NFIB: variants seen among roughly 807,000 people sequenced by gnomAD.
The protein encoded by NFIB is nuclear factor I B, also known as nuclear factor 1 B-type.
Under a neutral mutation model 61.5 loss-of-function variants are expected in NFIB, and 11 were observed. The observed-to-expected ratio is 0.18, with a 90% CI of 0.11 to 0.30. The LOEUF (loss-of-function observed/expected upper bound fraction) is 0.30. Ranked by LOEUF, NFIB falls within the 10% of genes least tolerant of loss-of-function variation. NFIB has a pLI of 1.00. For missense variants in NFIB, 471 were observed against 608.9 expected, an observed-to-expected ratio of 0.77 and a Z score of 2.38; for synonymous variants, 260 against 216.5, an observed-to-expected ratio of 1.20 and a Z score of -1.76.
At chr9:14,282,332 A>G (rs1039568315) in intron 2 of NFIB, among the ~76,000 whole-genome samples, 1 of 152,202 alleles carries the variant, frequency 6.6e-6, no homozygotes, top group African/African-American at 2.4e-5. Context: ...GGCAATAAAT[A>G]TCCCATAAAT....
chr9:14,129,929 G>C (rs1173020778), intron 6 of NFIB, among the ~76,000 whole-genome samples: 3 of 152,172 alleles, frequency 2.0e-5, no homozygotes, highest in Non-Finnish European at 4.4e-5. Flanking sequence ...GTGGGAGGGA[G>C]GCAGGAGTTG....
intron 1 of NFIB, among the ~76,000 whole-genome samples, chr9:14,334,914 T>C (rs956372231): frequency 6.6e-6 from 1 of 152,206 alleles, no homozygotes; most frequent in African/African-American, 2.4e-5. Flanking sequence ...TTTTATAACA[T>C]TTTATGTAAA....
intron 2 of NFIB, among the ~76,000 whole-genome samples, chr9:14,213,389 T>C (rs2050517027): frequency 1.3e-5 from 2 of 152,302 alleles, no homozygotes; most frequent in South Asian, 4.1e-4. Flanking sequence ...AGGTCCACCA[T>C]CCATTCTCCA....
At chr9:14,498,528 G>C in the NFIB span, among the ~76,000 whole-genome samples, 1 of 152,152 alleles carries the variant, frequency 6.6e-6, no homozygotes, top group Non-Finnish European at 1.5e-5. Context: ...ACCACCTTGA[G>C]ATACACTCGA....
intron 3 of NFIB, among the ~76,000 whole-genome samples, chr9:14,163,096 T>G (rs547050570): frequency 6.6e-6 from 1 of 152,044 alleles, no homozygotes; most frequent in Non-Finnish European, 1.5e-5. Context: ...ATACTACCTA[T>G]GAGTAGATGC....
chr9:14,314,045 C>A lies in NFIB; in HGVS notation c.-534G>T. ...CGCTGGGAAAGTTCAAGGTTACAGCCCCAAGCACTGCGGCAGGATCCCGGA... is the reference window on the plus strand; with the variant it reads ...CGCTGGGAAAGTTCAAGGTTACAGCACCAAGCACTGCGGCAGGATCCCGGA... On this transcript the variant is annotated 5_prime_UTR_variant, in exon 1 of 11. Transcript: ENST00000380953. 1 of 1,066,582 alleles carries A rather than the reference C, an allele frequency of 9.4e-7. No homozygotes were observed. Among genetic ancestry groups the A allele is most frequent in the African/African-American group, 1.7e-5 (1 of 60,604 alleles). The allele number at this position is 1,066,582 out of a possible 1,614,324, so 66.1% of individuals were successfully genotyped here. A position where few individuals can be genotyped will look rare whatever the true frequency, so the allele number is the denominator to read the frequency against.
At chr9:14,509,682 G>A in the NFIB span, among the ~76,000 whole-genome samples, 1 of 152,136 alleles carries the variant, frequency 6.6e-6, no homozygotes, top group African/African-American at 2.4e-5. Flanking sequence ...AGAAGGGCCA[G>A]GGAATGATGA....
chr9:14,481,666 C>A, the NFIB span, among the ~76,000 whole-genome samples: 1 of 152,136 alleles, frequency 6.6e-6, no homozygotes, highest in East Asian at 1.9e-4. Context: ...GTTTCCCCAT[C>A]TCCATGGCCA....
rs762429739 is a variant in NFIB, at chr9:14,220,842, T to TACACCC, written c.563-41063_563-41062insGGGTGT. Reference sequence around the variant, plus strand: ...CTATATCCAGTGAAATCAATCTCCCTACACACACACACACACACACACACA... The same window carrying TACACCC: ...CTATATCCAGTGAAATCAATCTCCCTACACCCACACACACACACACACACACACACA... On this transcript the variant is annotated intron_variant, in intron 2 of 10. Transcript: ENST00000380953. Among the ~76,000 whole-genome samples the TACACCC allele has an allele frequency of 6.5e-5, 8 of 123,094 alleles. No homozygotes were observed. In the South Asian group the frequency reaches 1.4e-3, roughly 22 times the overall value. 80.8% of individuals were successfully genotyped at this position (123,094 alleles called of 152,430 possible).
At chr9:14,509,437 C>T in the NFIB span, among the ~76,000 whole-genome samples, 3 of 152,180 alleles carry the variant, frequency 2.0e-5, no homozygotes, top group Non-Finnish European at 4.4e-5. Context: ...TCCATTTCAT[C>T]AAAACTTCAA....
intron 5 of NFIB, among the ~76,000 whole-genome samples, chr9:14,148,742 A>G (rs937193483): frequency 6.6e-6 from 1 of 152,166 alleles, no homozygotes; most frequent in African/African-American, 2.4e-5. Context: ...GCCTGAGTAC[A>G]TTTGTAGATA....
At chr9:14,209,440 AT>A (rs2050085707) in intron 2 of NFIB, among the ~76,000 whole-genome samples, 1 of 152,230 alleles carries the variant, frequency 6.6e-6, no homozygotes, top group African/African-American at 2.4e-5. Context: ...TGAATAACCA[AT>A]AAAATCCCAC....
At chr9:14,140,374 C>T (rs2041548978) in intron 6 of NFIB, among the ~76,000 whole-genome samples, 1 of 152,134 alleles carries the variant, frequency 6.6e-6, no homozygotes, top group Non-Finnish European at 1.5e-5. Flanking sequence ...GACTAGAGCA[C>T]TGTGTTCCAA....
chr9:14,344,785 TAAC>T lies in NFIB; in HGVS notation c.109-37268_109-37266del, dbSNP rs2060999672. 3.5e-5 allele frequency among the ~76,000 whole-genome samples: 3 copies of T among 85,508 alleles called. No homozygotes were observed. The African/African-American group carries it at 8.4e-4, about 24-fold the overall frequency. The allele number at this position is 85,508 out of a possible 152,430, so 56.1% of individuals were successfully genotyped here. A position where few individuals can be genotyped will look rare whatever the true frequency, so the allele number is the denominator to read the frequency against. On this transcript the variant is annotated intron_variant, in intron 1 of 8. Coordinates refer to the NFIB transcript ENST00000380934. ...AGACAAAAAGGAGAAAAAAAATCCG[TAAC>T]TACAAACAAAAGCAAATGAAGGGCA...
intron 1 of NFIB, among the ~76,000 whole-genome samples, chr9:14,359,862 CA>C (rs1236563352): frequency 6.6e-6 from 1 of 151,750 alleles, no homozygotes; most frequent in African/African-American, 2.4e-5. Flanking sequence ...ACATTTAAAG[CA>C]GCACAGAAAG....
the NFIB span, among the ~76,000 whole-genome samples, chr9:14,449,633 A>G: frequency 6.6e-6 from 1 of 152,206 alleles, no homozygotes; most frequent in East Asian, 1.9e-4. Flanking sequence ...GTCAAAACAG[A>G]CAAAAATATT....
At chr9:14,177,802 T>C (rs2046345090) in intron 3 of NFIB, among the ~76,000 whole-genome samples, 1 of 152,172 alleles carries the variant, frequency 6.6e-6, no homozygotes, top group African/African-American at 2.4e-5. Context: ...CCTTGGTTGT[T>C]TTTGTTTGCC....
chr9:14,505,111 C>T, the NFIB span, among the ~76,000 whole-genome samples: 1 of 152,056 alleles, frequency 6.6e-6, no homozygotes, highest in Non-Finnish European at 1.5e-5. Context: ...GCGTTTAATT[C>T]TCTTTATGTG....
At chr9:14,426,846 A>G in the NFIB span, among the ~76,000 whole-genome samples, 3 of 152,116 alleles carry the variant, frequency 2.0e-5, no homozygotes, top group Non-Finnish European at 2.9e-5. Flanking sequence ...GAAGATGCAA[A>G]GCTCTCAAGT....
Sources: gnomAD v4.1 joint callset for allele counts (sites outside exome capture counted in the v4.1 genomes callset) on GRCh38, gnomAD v4.1.1 for gene constraint, MANE v1.5 for transcripts, NCBI Gene and HGNC (gene_info 2026-07-23, HGNC 2026-07-21) for gene names.